Variants in UNC80 observed in about 807,000 individuals in gnomAD.
UNC80 encodes the protein unc-80 subunit of NALCN channel complex.
Under a neutral mutation model 384.6 loss-of-function variants are expected in UNC80, and 164 were observed. That is an observed-to-expected ratio of 0.43 (90% CI 0.38 to 0.49). The LOEUF (loss-of-function observed/expected upper bound fraction) is 0.49, where lower values mean the gene tolerates loss of function less well. Among genes scored for constraint, UNC80 ranks in the 20% least tolerant of loss-of-function variants. The pLI is 0.00. For missense variants in UNC80, 3,330 were observed against 4,143.0 expected (o/e 0.80, Z 5.39); for synonymous variants, 1,486 against 1,527.8 (o/e 0.97, Z 0.64).
In UNC80 at chr2:209,940,777, A is replaced by G. The variant is rs370627203; in HGVS notation, c.6647-444A>G. On this transcript the variant is annotated intron_variant, in intron 43 of 64. Transcript: ENST00000673920. ...GGTTGCAGTGAGCCGAGATTGCGCC[A>G]TTGCACTCCAGACAGAACGACAGAG... Among the ~76,000 whole-genome samples, 40 of 152,278 alleles carry G rather than the reference A, an allele frequency of 2.6e-4. 1 individual carries two copies. The East Asian group carries it at 5.0e-3, about 19-fold the overall frequency.
chr2:209,903,759 A>G (rs1314224346), intron 28 of UNC80, among the ~76,000 whole-genome samples: 2 of 149,336 alleles, frequency 1.3e-5, no homozygotes, highest in African/African-American at 5.0e-5. Flanking sequence ...ATACACATTT[A>G]TTAGCTTATA....
chr2:209,797,982 C>T (rs568279274), intron 7 of UNC80, among the ~76,000 whole-genome samples: 57 of 152,150 alleles, frequency 3.7e-4, no homozygotes, highest in Non-Finnish European at 6.9e-4. Flanking sequence ...CTGTTCATAT[C>T]CTTTGCCCAC....
Position 209,772,005 on chromosome 2 carries a change from AGGCGGC to A in UNC80, c.-58_-53del. On this transcript the variant is annotated 5_prime_UTR_variant, in exon 1 of 65. Transcript: ENST00000673920. ...GATGAGAGTTGGGAGCAGCGGGAGG[AGGCGGC>A]GGCGGCGGCTAGCGAGGAGACAGAG... is the stretch of plus-strand genomic sequence containing the variant. 1 of 1,149,258 alleles carries A rather than the reference AGGCGGC, an allele frequency of 8.7e-7. No individual in the cohort carries two copies. The highest frequency in any genetic ancestry group is 1.3e-6 in the Non-Finnish European group (1 of 786,708). The allele number at this position is 1,149,258 out of a possible 1,614,324, so 71.2% of individuals were successfully genotyped here. A position where few individuals can be genotyped will look rare whatever the true frequency, so the allele number is the denominator to read the frequency against.
intron 28 of UNC80, among the ~76,000 whole-genome samples, chr2:209,903,041 T>C (rs1250593104): frequency 6.6e-6 from 1 of 151,770 alleles, no homozygotes; most frequent in Non-Finnish European, 1.5e-5. Context: ...AATGGTATAG[T>C]ATTTGCATAT....
chr2:209,897,450 G>T (rs554867740), intron 28 of UNC80, among the ~76,000 whole-genome samples: 16 of 152,046 alleles, frequency 1.1e-4, no homozygotes, highest in Non-Finnish European at 2.2e-4. Flanking sequence ...TGTTGTGTCT[G>T]GTTCCTTTTC....
intron 41 of UNC80, 83 bp downstream of exon 41, chr2:209,937,016 G>A: frequency 3.2e-6 from 3 of 947,170 alleles, no homozygotes; most frequent in Non-Finnish European, 5.0e-6. Context: ...AGTCAGGGAG[G>A]CATCGCTGTT....
chr2:209,943,571 G>T (rs2091760356), intron 45 of UNC80, 57 bp downstream of exon 45: 2 of 1,541,698 alleles, frequency 1.3e-6, no homozygotes, highest in African/African-American at 2.8e-5. Context: ...AAAAGCAAAG[G>T]TTATTTATTA....
At chr2:209,919,205 CAAG>C (rs2089829088) in intron 33 of UNC80, among the ~76,000 whole-genome samples, 3 of 152,026 alleles carry the variant, frequency 2.0e-5, no homozygotes, top group Admixed American at 1.3e-4. Context: ...AGACAAAAAA[CAAG>C]AATATGCACC....
intron 11 of UNC80, 59 bp downstream of exon 11, chr2:209,818,011 C>G: frequency 2.0e-6 from 3 of 1,526,232 alleles, no homozygotes; most frequent in Non-Finnish European, 2.7e-6. Context: ...GTTTTCTGTC[C>G]TTACACCATG....
intron 38 of UNC80, among the ~76,000 whole-genome samples, chr2:209,931,357 A>G (rs923879879): frequency 4.4e-5 from 6 of 137,330 alleles, no homozygotes; most frequent in Admixed American, 1.6e-4. Flanking sequence ...TCCTATCTCT[A>G]TGTTTAAACA....
chr2:209,823,921 A>T (rs2080318857), intron 13 of UNC80, among the ~76,000 whole-genome samples: 1 of 152,156 alleles, frequency 6.6e-6, no homozygotes, highest in South Asian at 2.1e-4. Context: ...TTTGAGCTCC[A>T]ACATGAAGCC....
intron 59 of UNC80, among the ~76,000 whole-genome samples, chr2:209,981,488 G>A (rs940263861): frequency 3.9e-5 from 6 of 152,224 alleles, no homozygotes; most frequent in African/African-American, 1.4e-4. Context: ...TGAGGCATGG[G>A]AACCACTTGA....
intron 39 of UNC80, 98 bp downstream of exon 39, chr2:209,934,103 CAG>C: frequency 8.1e-7 from 1 of 1,232,906 alleles, no homozygotes; most frequent in South Asian, 1.7e-5. Flanking sequence ...AGAAAATTTT[CAG>C]AGTTCTAACC....
Position 209,829,253 on chromosome 2 carries a change from C to G in UNC80, c.2500C>G (p.Leu834Val). ...GCAGGCCCAGAACTGCCTCACTAAG[C>G]TATACAAGCTAGATAAGATGCAGTT... ...RENAQNCLTK[L>V]YKLDKMQFRQ... Residue 834 changes from leucine to valine, a missense_variant, in exon 15 of 65, where the codon CTA becomes GTA. By Grantham distance (32) the Leu-to-Val change is conservative. Transcript: ENST00000673920. 2 of 1,551,312 alleles carry G rather than the reference C, an allele frequency of 1.3e-6. No homozygotes were observed. The highest frequency in any genetic ancestry group is 1.4e-5 in the African/African-American group (1 of 73,148).
chr2:209,865,508 A>G (rs1370760717), intron 22 of UNC80, among the ~76,000 whole-genome samples: 6 of 151,586 alleles, frequency 4.0e-5, no homozygotes, highest in Non-Finnish European at 7.4e-5. Flanking sequence ...AGGCTGAGGC[A>G]GGAGAATGGC....
chr2:209,924,904 A>G (rs775405621), intron 35 of UNC80, among the ~76,000 whole-genome samples: 1 of 151,974 alleles, frequency 6.6e-6, no homozygotes, highest in Non-Finnish European at 1.5e-5. Flanking sequence ...AGTAGTGACA[A>G]TTCTCTGGTG....
At chr2:209,837,605 A>G (rs1559172470) in intron 18 of UNC80, among the ~76,000 whole-genome samples, 1 of 152,164 alleles carries the variant, frequency 6.6e-6, no homozygotes, top group Non-Finnish European at 1.5e-5. Context: ...TATTTTTCAT[A>G]TAATAGTCCT....
intron 50 of UNC80, 63 bp from the exon 51 acceptor site, chr2:209,959,426 C>T: frequency 1.4e-6 from 2 of 1,465,062 alleles, no homozygotes; most frequent in South Asian, 1.2e-5. Context: ...GTGATACCCT[C>T]TTCTCACAGC....
chr2:209,915,404 C>CAAAAA (rs5838189), intron 31 of UNC80, among the ~76,000 whole-genome samples: 5 of 76,974 alleles, frequency 6.5e-5, no homozygotes, highest in African/African-American at 1.5e-4. Flanking sequence ...GACTCTGTCT[C>CAAAAA]AAAAAAAAAA....
Sources: gnomAD v4.1 joint callset for allele counts (sites outside exome capture counted in the v4.1 genomes callset) on GRCh38, gnomAD v4.1.1 for gene constraint, MANE v1.5 for transcripts, NCBI Gene and HGNC (gene_info 2026-07-23, HGNC 2026-07-21) for gene names.